The following ALK variants were observed in gnomAD, a reference collection of about 807,000 sequenced individuals.
ALK encodes the protein ALK tyrosine kinase receptor.
ALK carries 74 observed loss-of-function variants against 163.1 expected under a neutral mutation model. The ratio of observed to expected loss-of-function variants is 0.45; its 90% CI spans 0.38 to 0.55. The LOEUF is 0.55. ALK is among the 20% of genes least tolerant of loss of function. The pLI is 0.00. For missense variants in ALK, 2,063 were observed against 2,105.3 expected (o/e 0.98, Z 0.39); for synonymous variants, 960 against 843.2 (o/e 1.14, Z -2.40).
At chr2:29,441,077 C>T (rs1233748752) in intron 4 of ALK, among the ~76,000 whole-genome samples, 2 of 152,236 alleles carry the variant, frequency 1.3e-5, no homozygotes, top group Non-Finnish European at 1.5e-5. Flanking sequence ...GTCTGGCCAT[C>T]AGGCTCCAGC....
At chr2:29,314,500 T>C (rs184220603) in intron 8 of ALK, among the ~76,000 whole-genome samples, 1 of 152,164 alleles carries the variant, frequency 6.6e-6, no homozygotes, top group East Asian at 1.9e-4. Flanking sequence ...TGTGTGTGTT[T>C]GCGTGTACAT....
chr2:29,821,280 T>C (rs1236143492), intron 1 of ALK, among the ~76,000 whole-genome samples: 2 of 152,092 alleles, frequency 1.3e-5, no homozygotes, highest in African/African-American at 4.8e-5. Context: ...GGTGGCCCTC[T>C]GAGTCACTAG....
chr2:29,770,532 C>T (rs576269357), intron 1 of ALK, among the ~76,000 whole-genome samples: 9 of 152,154 alleles, frequency 5.9e-5, no homozygotes, highest in East Asian at 3.9e-4. Context: ...ATCAAGCAAA[C>T]GGGATAAAAG....
intron 4 of ALK, among the ~76,000 whole-genome samples, chr2:29,523,858 G>GTCTTTTTTTTTTTTTTTTTTTT: frequency 9.0e-6 from 1 of 110,950 alleles, no homozygotes; most frequent in Non-Finnish European, 1.8e-5. Flanking sequence ...GAAGCTGAAG[G>GTCTTTTTTTTTTTTTTTTTTTT]TTTTTTTTTT....
chr2:29,640,068 C>A (rs1031435654), intron 3 of ALK, among the ~76,000 whole-genome samples: 1 of 152,152 alleles, frequency 6.6e-6, no homozygotes, highest in African/African-American at 2.4e-5. Flanking sequence ...AGCTCAGCAC[C>A]TAATGCTGCG....
At chr2:29,221,241 G>T (rs965634945) in intron 22 of ALK, 39 of 530,610 alleles carry the variant, frequency 7.4e-5, no homozygotes, top group Non-Finnish European at 1.3e-4. Flanking sequence ...AGAGAGACTG[G>T]GTGAGACTTG....
At chr2:29,466,144 T>A (rs1198602991) in intron 4 of ALK, among the ~76,000 whole-genome samples, 1 of 152,188 alleles carries the variant, frequency 6.6e-6, no homozygotes, top group Non-Finnish European at 1.5e-5. Context: ...AATACTTCAG[T>A]AAACTGAAGC....
At chr2:29,405,922 T>G (rs951711381) in intron 4 of ALK, among the ~76,000 whole-genome samples, 5 of 152,176 alleles carry the variant, frequency 3.3e-5, no homozygotes, top group African/African-American at 1.2e-4. Context: ...GAATGATGCC[T>G]GGGTTGGTCC....
At chr2:29,609,398 G>T (rs1675628551) in intron 3 of ALK, among the ~76,000 whole-genome samples, 1 of 152,172 alleles carries the variant, frequency 6.6e-6, no homozygotes, top group Admixed American at 6.5e-5. Context: ...CAGGGGCTCT[G>T]TGACAACTCT....
chr2:29,517,156 G>A (rs1472042582), intron 4 of ALK, among the ~76,000 whole-genome samples: 1 of 152,166 alleles, frequency 6.6e-6, no homozygotes, highest in African/African-American at 2.4e-5. Context: ...AACACACACA[G>A]CCAGTGAATT....
chr2:29,846,475 T>A (rs62129761), intron 1 of ALK, among the ~76,000 whole-genome samples: 38,387 of 152,202 alleles, frequency 0.25, 6,017 homozygotes, highest in East Asian at 0.54. Context: ...TTGTCTAGGA[T>A]GATCCTTGTC....
chr2:29,426,406 CA>C (rs1297591670), intron 4 of ALK, among the ~76,000 whole-genome samples: 2 of 152,066 alleles, frequency 1.3e-5, no homozygotes, highest in Non-Finnish European at 2.9e-5. Flanking sequence ...TTGAAAGCAG[CA>C]AGAGAAAAAT....
chr2:29,449,250 G>A (rs963362621), intron 4 of ALK, among the ~76,000 whole-genome samples: 1 of 152,078 alleles, frequency 6.6e-6, no homozygotes, highest in Non-Finnish European at 1.5e-5. Flanking sequence ...GTATGGTACC[G>A]GACACAAGTC....
At chr2:29,548,687 C>G (rs1673634999) in intron 3 of ALK, among the ~76,000 whole-genome samples, 1 of 152,066 alleles carries the variant, frequency 6.6e-6, no homozygotes. Flanking sequence ...CTCACTAGTA[C>G]CTGGTGCAAT....
chr2:29,658,011 C>T (rs6547967), intron 3 of ALK, among the ~76,000 whole-genome samples: 21,055 of 151,960 alleles, frequency 0.14, 3,300 homozygotes, highest in African/African-American at 0.39. Context: ...GGTGTCTCTG[C>T]GGGCCATGCA....
At chr2:29,500,167 T>C (rs1672130752) in intron 4 of ALK, among the ~76,000 whole-genome samples, 1 of 152,162 alleles carries the variant, frequency 6.6e-6, no homozygotes, top group Non-Finnish European at 1.5e-5. Flanking sequence ...TCATGTGGAA[T>C]TGTAATACCC....
At chr2:29,637,818 C>G (rs1485135285) in intron 3 of ALK, among the ~76,000 whole-genome samples, 1 of 150,918 alleles carries the variant, frequency 6.6e-6, no homozygotes, top group Non-Finnish European at 1.5e-5. Context: ...CAAGATATTA[C>G]TGTTAGTGGA....
intron 7 of ALK, 58 bp from the exon 8 acceptor site, chr2:29,318,462 G>A (rs1666900653): frequency 1.6e-6 from 2 of 1,252,738 alleles, no homozygotes; most frequent in Non-Finnish European, 2.3e-6. Context: ...GGGACCAGGG[G>A]TGCAGGGTTA....
chr2:29,329,354 G>A (rs1427186322), intron 5 of ALK, among the ~76,000 whole-genome samples: 1 of 152,210 alleles, frequency 6.6e-6, no homozygotes. Context: ...ACCAAATGGA[G>A]GGCTTTGCCT....
Sources: gnomAD v4.1 joint callset for allele counts (sites outside exome capture counted in the v4.1 genomes callset) on GRCh38, gnomAD v4.1.1 for gene constraint, MANE v1.5 for transcripts, NCBI Gene and HGNC (gene_info 2026-07-23, HGNC 2026-07-21) for gene names.